Variants in CSNK1G3 observed in about 807,000 individuals in gnomAD.
CSNK1G3 encodes the protein casein kinase 1 gamma 3.
In CSNK1G3, 23 loss-of-function variants were observed where a neutral mutation model predicts 64.3. That is an observed-to-expected ratio of 0.36 (90% CI 0.26 to 0.51). The LOEUF (loss-of-function observed/expected upper bound fraction) is 0.51, where lower values mean the gene tolerates loss of function less well. CSNK1G3 is among the 20% of genes least tolerant of loss of function. CSNK1G3 has a pLI of 0.96. For missense variants in CSNK1G3, 357 were observed against 510.5 expected (o/e 0.70, Z 2.90); for synonymous variants, 158 against 162.2 (o/e 0.97, Z 0.20).
intron 2 of CSNK1G3, among the ~76,000 whole-genome samples, chr5:123,549,188 G>T (rs1442726292): frequency 6.6e-6 from 1 of 152,116 alleles, no homozygotes; most frequent in Non-Finnish European, 1.5e-5. Context: ...TCTGCCATTG[G>T]TAGATGTATT....
At chr5:123,611,990 T>C (rs1212577217) in intron 12 of CSNK1G3, among the ~76,000 whole-genome samples, 1 of 152,208 alleles carries the variant, frequency 6.6e-6, no homozygotes, top group Non-Finnish European at 1.5e-5. Flanking sequence ...TAAAAATAAA[T>C]TTGACTTATT....
intron 6 of CSNK1G3, among the ~76,000 whole-genome samples, chr5:123,582,382 TC>T (rs1440590291): frequency 6.6e-6 from 1 of 152,150 alleles, no homozygotes; most frequent in African/African-American, 2.4e-5. Flanking sequence ...ACTTAATCTT[TC>T]TGAGCTTTAC....
At chr5:123,515,488 T>A (rs1005878957) in intron 1 of CSNK1G3, among the ~76,000 whole-genome samples, 4 of 152,204 alleles carry the variant, frequency 2.6e-5, no homozygotes, top group African/African-American at 9.6e-5. Flanking sequence ...TATAAAAGAA[T>A]CTGTACGTGA....
intron 1 of CSNK1G3, among the ~76,000 whole-genome samples, chr5:123,522,066 C>T (rs1778206914): frequency 6.6e-6 from 1 of 152,122 alleles, no homozygotes; most frequent in South Asian, 2.1e-4. Context: ...TATTTTCCAA[C>T]TGTCTTTTTA....
chr5:123,526,061 A>G (rs1779010717), intron 1 of CSNK1G3, among the ~76,000 whole-genome samples: 1 of 151,776 alleles, frequency 6.6e-6, no homozygotes, highest in Non-Finnish European at 1.5e-5. Flanking sequence ...TTTTAGAGAT[A>G]GGGTCTCACT....
intron 3 of CSNK1G3, among the ~76,000 whole-genome samples, chr5:123,556,169 A>G (rs918942194): frequency 6.6e-6 from 1 of 152,060 alleles, no homozygotes; most frequent in African/African-American, 2.4e-5. Context: ...TTCTCCTGTA[A>G]TAAAACTTAT....
At position 123,604,717 on chromosome 5, in the gene CSNK1G3, C is replaced by T; in HGVS notation, c.1087-7C>T. The T allele has an allele frequency of 6.3e-7, 1 of 1,589,310 alleles. No homozygotes were observed. Among genetic ancestry groups the T allele is most frequent in the Non-Finnish European group, 8.6e-7 (1 of 1,167,344 alleles). ...ATACATATATAAAAAATTTTTTTTT[C>T]AAACAGGTTGTAAGTTCTACAAATG... On this transcript the variant is annotated splice_region_variant and splice_polypyrimidine_tract_variant and intron_variant, in intron 10 of 12. Coordinates refer to ENST00000345990, the Ensembl canonical transcript of CSNK1G3.
chr5:123,576,544 C>G (rs1789204584), intron 6 of CSNK1G3, among the ~76,000 whole-genome samples: 1 of 152,090 alleles, frequency 6.6e-6, no homozygotes, highest in African/African-American at 2.4e-5. Context: ...CACCCAGATT[C>G]ATATTTATCA....
At chr5:123,531,762 TG>T (rs1271589177) in intron 1 of CSNK1G3, among the ~76,000 whole-genome samples, 1 of 151,966 alleles carries the variant, frequency 6.6e-6, no homozygotes, top group Non-Finnish European at 1.5e-5. Flanking sequence ...CTACATTAAA[TG>T]TATATCTGTT....
intron 10 of CSNK1G3, among the ~76,000 whole-genome samples, chr5:123,601,383 A>G (rs1442424594): frequency 2.6e-5 from 4 of 152,188 alleles, no homozygotes; most frequent in Admixed American, 1.3e-4. Flanking sequence ...GCAGTATCCT[A>G]TCTTAACTCT....
chr5:123,544,014 C>T (rs777623457), intron 1 of CSNK1G3, among the ~76,000 whole-genome samples: 5 of 152,150 alleles, frequency 3.3e-5, no homozygotes, highest in Non-Finnish European at 7.4e-5. Flanking sequence ...CCTTTCTTCA[C>T]AGTCCAGGAC....
chr5:123,568,587 G>C (rs912363632), intron 4 of CSNK1G3, among the ~76,000 whole-genome samples: 5 of 152,164 alleles, frequency 3.3e-5, no homozygotes, highest in Admixed American at 2.6e-4. Context: ...TCGACGTTGA[G>C]TTCTTTGGCA....
intron 4 of CSNK1G3, among the ~76,000 whole-genome samples, chr5:123,571,529 G>A (rs896739976): frequency 3.9e-5 from 6 of 152,050 alleles, no homozygotes; most frequent in South Asian, 2.1e-4. Context: ...TATTATAATA[G>A]ATAAGTAAAC....
chr5:123,614,281 C>A, intron 12 of CSNK1G3, 61 bp from the exon 14 acceptor site: 4 of 1,503,162 alleles, frequency 2.7e-6, no homozygotes, highest in Non-Finnish European at 3.7e-6. Context: ...TAAAGTGATA[C>A]AGTCAACTTT....
At chr5:123,551,423 A>AAAGTG (rs1783621460) in intron 2 of CSNK1G3, among the ~76,000 whole-genome samples, 2 of 152,200 alleles carry the variant, frequency 1.3e-5, no homozygotes, top group Non-Finnish European at 2.9e-5. Flanking sequence ...ATAGAGCTTA[A>AAAGTG]AGTTGACCAC....
rs182348444 is a variant in CSNK1G3, at chr5:123,544,410, A to T, written c.-247-1007A>T. 3.3e-3 allele frequency among the ~76,000 whole-genome samples: 499 copies of T among 152,348 alleles called. 5 individuals are homozygous for T. Among genetic ancestry groups the T allele is most frequent in the African/African-American group, 0.012 (491 of 41,594 alleles). On this transcript the variant is annotated intron_variant, in intron 1 of 12. Coordinates refer to ENST00000345990, the Ensembl canonical transcript of CSNK1G3. ...TATATTTGGGGGTTGCTGAAAATTA[A>T]TCAGAAAATACTGTCCGTTTCAACC...
At chr5:123,568,189 G>A (rs563394909) in intron 4 of CSNK1G3, among the ~76,000 whole-genome samples, 9 of 152,192 alleles carry the variant, frequency 5.9e-5, no homozygotes, top group African/African-American at 1.9e-4. Context: ...TGCAGTTTTC[G>A]GTGCATCTCA....
At chr5:123,614,243 G>GC in intron 12 of CSNK1G3, 99 bp from the exon 14 acceptor site, 1 of 1,112,458 alleles carries the variant, frequency 9.0e-7, no homozygotes, top group Admixed American at 2.3e-5. Flanking sequence ...TCTTGCACTA[G>GC]CCTGTTGCTT....
chr5:123,581,185 A>G (rs576257089), intron 6 of CSNK1G3, among the ~76,000 whole-genome samples: 5 of 151,744 alleles, frequency 3.3e-5, no homozygotes, highest in African/African-American at 1.2e-4. Flanking sequence ...TATAATGAAC[A>G]TAATTGGTAT....
Sources: gnomAD v4.1 joint callset for allele counts (sites outside exome capture counted in the v4.1 genomes callset) on GRCh38, gnomAD v4.1.1 for gene constraint, MANE v1.5 for transcripts, NCBI Gene and HGNC (gene_info 2026-07-23, HGNC 2026-07-21) for gene names.